Variants in PDE2A observed in about 807,000 individuals in gnomAD.
The protein encoded by PDE2A is phosphodiesterase 2A.
PDE2A carries 53 observed loss-of-function variants against 133.6 expected under a neutral mutation model. That is an observed-to-expected ratio of 0.40 (90% CI 0.32 to 0.50). The LOEUF (loss-of-function observed/expected upper bound fraction) is 0.50, where lower values mean the gene tolerates loss of function less well. PDE2A is among the 20% of genes least tolerant of loss of function. The probability of loss-of-function intolerance (pLI) is 0.73; values close to 1 mark genes in which losing one functional copy is unlikely to be tolerated. For missense variants in PDE2A, 796 were observed against 1,232.4 expected (o/e 0.65, Z 5.30); for synonymous variants, 491 against 490.2 (o/e 1.00, Z -0.02).
intron 2 of PDE2A, chr11:72,631,243 C>T: frequency 1.2e-6 from 1 of 846,138 alleles, no homozygotes; most frequent in Non-Finnish European, 1.8e-6. Context: ...ATGGCCCCCT[C>T]CTCCAGGGAG....
At chr11:72,633,164 A>C (rs533680049) in intron 2 of PDE2A, among the ~76,000 whole-genome samples, 31 of 152,114 alleles carry the variant, frequency 2.0e-4, no homozygotes, top group Admixed American at 6.5e-4. Flanking sequence ...AGACCTCTGC[A>C]TTGTGGGGTC....
chr11:72,626,450 T>C (rs1350399985), intron 2 of PDE2A, among the ~76,000 whole-genome samples: 1 of 152,220 alleles, frequency 6.6e-6, no homozygotes, highest in Admixed American at 6.5e-5. Context: ...TGGGGCATTG[T>C]AGAGGCCACT....
chr11:72,657,231 C>G (rs1281551350), intron 1 of PDE2A, among the ~76,000 whole-genome samples: 1 of 152,162 alleles, frequency 6.6e-6, no homozygotes, highest in African/African-American at 2.4e-5. Context: ...CCTCACTCAG[C>G]TCCCCGGGGT....
At chr11:72,618,727 G>A (rs1462115591) in intron 2 of PDE2A, among the ~76,000 whole-genome samples, 1 of 152,200 alleles carries the variant, frequency 6.6e-6, no homozygotes, top group Admixed American at 6.5e-5. Context: ...AGATGAGAGA[G>A]CCAAGCCCCA....
rs1400940300 is a variant in PDE2A at position 72,608,751 on chromosome 11, C to T, written c.145G>A (p.Asp49Asn). ...ACAGAGCCCAGACTCAGCAAGGCGT[C>T]CTGGAAGAGAGGAGAGGGCAGTGAG... is the stretch of plus-strand genomic sequence containing the variant. ...PPQPCADSLQ[D>N]ALLSLGSVID... The change falls in exon 3 of 31, where the codon GAC becomes AAC. Residue 49 changes from aspartate to asparagine, a missense_variant and splice_region_variant. Physicochemically the swap from Asp to Asn is conservative, Grantham distance 23. Transcript: ENST00000334456. 15 of 1,542,494 alleles carry T rather than the reference C, an allele frequency of 9.7e-6. No individual in the cohort carries two copies. The highest frequency in any genetic ancestry group is 1.3e-5 in the Non-Finnish European group (15 of 1,133,178).
At chr11:72,607,592 G>A (rs1002535584) in intron 3 of PDE2A, among the ~76,000 whole-genome samples, 33 of 152,182 alleles carry the variant, frequency 2.2e-4, no homozygotes, top group African/African-American at 8.0e-4. Context: ...GAGCTGAGGA[G>A]AGGGAATGGG....
intron 2 of PDE2A, among the ~76,000 whole-genome samples, chr11:72,632,303 T>C (rs1304009167): frequency 6.6e-6 from 1 of 152,140 alleles, no homozygotes; most frequent in Non-Finnish European, 1.5e-5. Flanking sequence ...GCAGGGCGTC[T>C]GGTTGTCCCA....
At position 72,598,746 on chromosome 11, in the gene PDE2A, G is replaced by GCC; in HGVS notation, c.324-1128_324-1127insGG. The stretch of plus-strand genomic sequence containing the variant: ...GGTCAGAGACTCTAGACAAATCGAG[G>GCC]ACCAAAGAGGTTGAGCATCTCGTTC... On this transcript the variant is annotated intron_variant, in intron 4 of 30. Coordinates refer to ENST00000334456, the MANE Select transcript of PDE2A (RefSeq NM_002599.5). The GCC allele has an allele frequency of 2.4e-6, 3 of 1,236,836 alleles. No homozygotes were observed. The South Asian group carries it at 4.2e-5, about 17-fold the overall frequency. 76.6% of individuals were successfully genotyped at this position (1,236,836 alleles called of 1,614,324 possible). A position where few individuals can be genotyped will look rare whatever the true frequency, so the allele number is the denominator to read the frequency against.
chr11:72,669,369 C>G (rs1452288206), intron 1 of PDE2A, among the ~76,000 whole-genome samples: 2 of 152,084 alleles, frequency 1.3e-5, no homozygotes, highest in African/African-American at 4.8e-5. Context: ...GCACCAAGCC[C>G]CAGTTGCCTC....
In PDE2A at chr11:72,590,277, C is replaced by A. The variant is rs779840276; in HGVS notation, c.704-33G>T. On this transcript the variant is annotated intron_variant, in intron 8 of 30. Coordinates refer to ENST00000334456, the MANE Select transcript of PDE2A (RefSeq NM_002599.5). This position sits in a 1 kb window ranked among gnomAD's most constrained non-coding sequence, Gnocchi z 4.8. Reference sequence around the variant, plus strand: ...GGCCAGGCGCCGGTCAGAGAGAGGGCCCCTCCGCACCTCCGTGTCCGGGTC... The same window carrying A: ...GGCCAGGCGCCGGTCAGAGAGAGGGACCCTCCGCACCTCCGTGTCCGGGTC... 2 of 1,547,156 alleles carry A rather than the reference C, an allele frequency of 1.3e-6. No homozygotes were observed. Among genetic ancestry groups the A allele is most frequent in the Admixed American group, 3.9e-5 (2 of 50,988 alleles).
chr11:72,639,732 C>T (rs551965867), intron 2 of PDE2A, among the ~76,000 whole-genome samples: 1 of 152,270 alleles, frequency 6.6e-6, no homozygotes, highest in East Asian at 1.9e-4. Flanking sequence ...CCGCCGGAAA[C>T]CCAAAACAAA....
rs1855584203 is a variant in PDE2A at position 72,578,869 on chromosome 11, G to A, written c.2469+28C>T. The A allele has an allele frequency of 7.0e-7, 1 of 1,431,566 alleles. No homozygotes were observed. The highest frequency in any genetic ancestry group is 9.9e-7 in the Non-Finnish European group (1 of 1,014,380). The allele number at this position is 1,431,566 out of a possible 1,614,324, so 88.7% of individuals were successfully genotyped here. On this transcript the variant is annotated intron_variant, in intron 28 of 30. Coordinates refer to ENST00000334456, the MANE Select transcript of PDE2A (RefSeq NM_002599.5). This position sits in a 1 kb window ranked among gnomAD's most constrained non-coding sequence, Gnocchi z 4.2. ...CAAAGCTGGGCAGGGTGGGCAGCCT[G>A]TGCCTTCCCAGGGAGGACTACACCT... is the stretch of plus-strand genomic sequence containing the variant.
chr11:72,614,144 G>A (rs932264710), intron 2 of PDE2A, among the ~76,000 whole-genome samples: 4 of 152,182 alleles, frequency 2.6e-5, no homozygotes, highest in Admixed American at 6.5e-5. Context: ...AGAACAAGGC[G>A]GTTCCTCCTC....
At chr11:72,593,591 T>TG (rs1439769776) in intron 6 of PDE2A, among the ~76,000 whole-genome samples, 1 of 152,174 alleles carries the variant, frequency 6.6e-6, no homozygotes, top group Non-Finnish European at 1.5e-5. Context: ...CTGGTGCAGC[T>TG]GGGGGAAGAG....
In PDE2A at chr11:72,578,107, G is replaced by T; in HGVS notation, c.2615+126C>A. 1.4e-6 allele frequency: 1 copy of T among 705,508 alleles called. No homozygotes were observed. The highest frequency in any genetic ancestry group is 2.6e-6 in the Non-Finnish European group (1 of 389,478). The allele number at this position is 705,508 out of a possible 1,614,324, so 43.7% of individuals were successfully genotyped here. On this transcript the variant is annotated intron_variant, in intron 30 of 30. Transcript: ENST00000334456. The surrounding 1 kb of genome is among the most constrained non-coding windows in gnomAD (Gnocchi z 4.2). ...GCACAGCGGGAGACAGTTATGCCCAGAGGCAAGGGGATGAATCAGTTGGAC... is the reference window on the plus strand; with the variant it reads ...GCACAGCGGGAGACAGTTATGCCCATAGGCAAGGGGATGAATCAGTTGGAC...
intron 3 of PDE2A, among the ~76,000 whole-genome samples, chr11:72,606,402 C>T (rs1006269858): frequency 6.6e-6 from 1 of 152,174 alleles, no homozygotes; most frequent in Non-Finnish European, 1.5e-5. Context: ...AGTTGCCTTC[C>T]ATGACTCTGA....
At chr11:72,643,500 A>T (rs1024348796) in intron 1 of PDE2A, 1 of 151,942 alleles carries the variant, frequency 6.6e-6, no homozygotes, top group Admixed American at 6.6e-5. Context: ...GGAGGACCAA[A>T]CCCGGGAATG....
intron 1 of PDE2A, chr11:72,652,579 T>A (rs368366823): frequency 2.2e-6 from 1 of 456,078 alleles, no homozygotes; most frequent in Non-Finnish European, 4.4e-6. Context: ...TAAACAACTT[T>A]AAAGGGGAAG....
chr11:72,624,734 ACAAT>A (rs895448315), intron 2 of PDE2A, among the ~76,000 whole-genome samples: 3 of 152,248 alleles, frequency 2.0e-5, no homozygotes, highest in African/African-American at 7.2e-5. Context: ...TCAGCATCAC[ACAAT>A]CAATATCACA....
Sources: allele counts gnomAD v4.1 joint callset (sites outside exome capture counted in the v4.1 genomes callset), GRCh38; gene constraint gnomAD v4.1.1; non-coding constraint Gnocchi (gnomAD v3.1); transcripts MANE v1.5; gene names NCBI Gene and HGNC (gene_info 2026-07-23, HGNC 2026-07-21).